Variants in WDPCP observed in about 807,000 individuals in gnomAD.
WDPCP encodes WD repeat-containing and planar cell polarity effector protein fritz homolog.
A neutral mutation model predicts 93.1 loss-of-function variants in WDPCP; 71 were observed. The observed-to-expected ratio is 0.76, with a 90% CI of 0.63 to 0.93. The LOEUF (loss-of-function observed/expected upper bound fraction) is 0.93, where lower values mean the gene tolerates loss of function less well. Ranked by LOEUF, WDPCP falls within the 40% of genes least tolerant of loss-of-function variation. WDPCP has a pLI of 0.00. For synonymous variants in WDPCP, 315 were observed against 315.0 expected, an observed-to-expected ratio of 1.00 and a Z score of 0.00; for missense variants, 844 against 887.4, an observed-to-expected ratio of 0.95 and a Z score of 0.62.
chr2:63,666,474 A>G (rs563663959), intron 2 of WDPCP, among the ~76,000 whole-genome samples: 4 of 152,324 alleles, frequency 2.6e-5, no homozygotes, highest in Admixed American at 2.6e-4. Context: ...TGTATGTTTA[A>G]AACTCCAGTT....
At chr2:63,708,803 G>C (rs1669211912) in intron 2 of WDPCP, among the ~76,000 whole-genome samples, 1 of 151,738 alleles carries the variant, frequency 6.6e-6, no homozygotes, top group Non-Finnish European at 1.5e-5. Context: ...GTACAGACAG[G>C]GTTTCATCGT....
At chr2:63,390,282 G>A (rs549498207) in intron 10 of WDPCP, among the ~76,000 whole-genome samples, 83 of 102,494 alleles carry the variant, frequency 8.1e-4, no homozygotes, top group African/African-American at 2.7e-3. Context: ...TGAACAACAT[G>A]CTCCTGAATG....
intron 15 of WDPCP, among the ~76,000 whole-genome samples, chr2:63,154,888 A>G (rs566016212): frequency 5.9e-4 from 90 of 152,256 alleles, no homozygotes; most frequent in African/African-American, 2.0e-3. Context: ...TTTAATTTCA[A>G]TTTCCCAAAT....
chr2:63,574,489 A>C (rs749417757), intron 1 of WDPCP, among the ~76,000 whole-genome samples: 17 of 152,188 alleles, frequency 1.1e-4, no homozygotes, highest in Admixed American at 2.0e-4. Flanking sequence ...TTTTTAACCA[A>C]TCAATTTGTG....
chr2:63,529,785 C>T (rs1231716866), intron 1 of WDPCP, among the ~76,000 whole-genome samples: 1 of 152,174 alleles, frequency 6.6e-6, no homozygotes, highest in Admixed American at 6.5e-5. Flanking sequence ...CCAGCTCCTC[C>T]TTGTATCTCT....
At chr2:63,789,700 A>G (rs1670519019) in intron 2 of WDPCP, among the ~76,000 whole-genome samples, 1 of 152,210 alleles carries the variant, frequency 6.6e-6, no homozygotes, top group African/African-American at 2.4e-5. Context: ...AAAGGTACTG[A>G]AATTAATGAA....
intron 1 of WDPCP, among the ~76,000 whole-genome samples, chr2:63,496,430 C>T (rs1380856929): frequency 6.6e-6 from 1 of 152,194 alleles, no homozygotes; most frequent in African/African-American, 2.4e-5. Context: ...CTCCCCATAT[C>T]TTCACTAAGT....
At chr2:63,523,558 T>G (rs768129428) in intron 1 of WDPCP, among the ~76,000 whole-genome samples, 7 of 152,200 alleles carry the variant, frequency 4.6e-5, no homozygotes, top group Non-Finnish European at 8.8e-5. Context: ...GAAAACTCCA[T>G]GGTCCCTGCC....
At chr2:63,197,648 A>G (rs974933465) in intron 14 of WDPCP, among the ~76,000 whole-genome samples, 2 of 152,236 alleles carry the variant, frequency 1.3e-5, no homozygotes, top group African/African-American at 4.8e-5. Flanking sequence ...TTAAACATAC[A>G]TTATTTATTA....
chr2:63,215,911 T>C (rs1466740307), intron 14 of WDPCP, among the ~76,000 whole-genome samples: 6 of 152,228 alleles, frequency 3.9e-5, no homozygotes, highest in Non-Finnish European at 5.9e-5. Flanking sequence ...TGAACAGACA[T>C]TTCTCAAAAG....
chr2:63,755,408 G>T (rs1012129712), intron 2 of WDPCP, among the ~76,000 whole-genome samples: 7 of 152,246 alleles, frequency 4.6e-5, no homozygotes, highest in Admixed American at 2.6e-4. Context: ...ATGTCGTATA[G>T]TTGGTTAGCC....
chr2:63,680,330 C>T (rs1352602246), intron 2 of WDPCP, among the ~76,000 whole-genome samples: 1 of 152,184 alleles, frequency 6.6e-6, no homozygotes, highest in African/African-American at 2.4e-5. Flanking sequence ...GCTGATGCCA[C>T]CCCCTCCCCC....
At chr2:63,706,791 T>C (rs1669163290) in intron 2 of WDPCP, among the ~76,000 whole-genome samples, 1 of 151,584 alleles carries the variant, frequency 6.6e-6, no homozygotes, top group Non-Finnish European at 1.5e-5. Flanking sequence ...TAATTTTTTG[T>C]ATTTTTAGTA....
chr2:63,523,059 C>T (rs1035994379), intron 1 of WDPCP, among the ~76,000 whole-genome samples: 9 of 152,144 alleles, frequency 5.9e-5, no homozygotes, highest in African/African-American at 1.4e-4. Flanking sequence ...AAATCCTCAA[C>T]AAAATACTAG....
At chr2:63,218,040 G>A (rs556613627) in intron 14 of WDPCP, among the ~76,000 whole-genome samples, 22 of 152,148 alleles carry the variant, frequency 1.4e-4, no homozygotes, top group Non-Finnish European at 3.1e-4. Flanking sequence ...CAGTTATACA[G>A]AATGCTCTTT....
upstream of WDPCP, chr2:63,590,742 G>T (rs532907522): frequency 6.6e-6 from 1 of 152,320 alleles, no homozygotes; most frequent in South Asian, 2.1e-4. Context: ...TCACTGGGGT[G>T]CCAGATAACA....
At chr2:63,522,804 T>C (rs539150077) in intron 1 of WDPCP, among the ~76,000 whole-genome samples, 2 of 152,216 alleles carry the variant, frequency 1.3e-5, no homozygotes, top group South Asian at 4.2e-4. Flanking sequence ...AGTTTCAAAA[T>C]TGAATCAGTA....
intron 12 of WDPCP, among the ~76,000 whole-genome samples, chr2:63,373,977 T>A (rs1338066180): frequency 6.6e-6 from 1 of 152,170 alleles, no homozygotes; most frequent in Non-Finnish European, 1.5e-5. Context: ...TATTTTAATT[T>A]TTAACCCCCT....
intron 14 of WDPCP, among the ~76,000 whole-genome samples, chr2:63,216,091 AC>A (rs1677309271): frequency 6.6e-6 from 1 of 152,188 alleles, no homozygotes; most frequent in African/African-American, 2.4e-5. Context: ...AAATAGGAAC[AC>A]TTTTACACTG....
Sources: allele counts gnomAD v4.1 joint callset (sites outside exome capture counted in the v4.1 genomes callset), GRCh38; gene constraint gnomAD v4.1.1; transcripts MANE v1.5; gene names NCBI Gene and HGNC (gene_info 2026-07-23, HGNC 2026-07-21).